Variants in ITGAM observed in about 807,000 individuals in gnomAD.
The protein encoded by ITGAM is integrin alpha-M.
ITGAM carries 79 observed loss-of-function variants against 137.5 expected under a neutral mutation model. The ratio of observed to expected loss-of-function variants is 0.57; its 90% CI spans 0.48 to 0.69. The LOEUF (loss-of-function observed/expected upper bound fraction) is 0.69. Among genes scored for constraint, ITGAM ranks in the 30% least tolerant of loss-of-function variants. The pLI is 0.00. For missense variants in ITGAM, 1,343 were observed against 1,483.5 expected (o/e 0.91, Z 1.56); for synonymous variants, 583 against 592.3 (o/e 0.98, Z 0.23).
Position 31,326,850 on chromosome 16 carries a change from C to T in ITGAM, c.2629-6C>T. The T allele has an allele frequency of 1.9e-6, 3 of 1,601,698 alleles. No individual in the cohort carries two copies. Among genetic ancestry groups the T allele is most frequent in the Non-Finnish European group, 2.6e-6 (3 of 1,168,796 alleles). On this transcript the variant is annotated splice_polypyrimidine_tract_variant and splice_region_variant and intron_variant, in intron 21 of 29. Coordinates refer to ENST00000544665, the MANE Select transcript of ITGAM (RefSeq NM_000632.4). ...CTGTCATTGTCTCTCCTTTCTCTCA[C>T]TCCAGGTCACCTTTAATATCACGTT...
At chr16:31,271,119 C>T (rs1379432149) in intron 6 of ITGAM, 35 bp downstream of exon 6, 9 of 1,469,112 alleles carry the variant, frequency 6.1e-6, no homozygotes, top group Non-Finnish European at 8.2e-6. Flanking sequence ...GAAGAGCCCA[C>T]ACGGGGCTGG....
In ITGAM at chr16:31,297,866, T is replaced by C. The variant is rs368134394; in HGVS notation, c.1619T>C (p.Ile540Thr). 7.8e-5 allele frequency: 126 copies of C among 1,613,818 alleles called. No homozygotes were observed. Among genetic ancestry groups the C allele is most frequent in the Middle Eastern group, 1.6e-4 (1 of 6,082 alleles). ...GGGGACAAGCTGACGGACGTGGCCA[T>C]TGGGGCCCCAGGAGAGGAGGACAAC... is the stretch of plus-strand genomic sequence containing the variant. ...VNGDKLTDVA[I>T]GAPGEEDNRG... The change falls in exon 14 of 30, where the codon ATT becomes ACT. Residue 540 changes from isoleucine (I) to threonine (T), a missense_variant. By Grantham distance (89) the Ile-to-Thr change is moderately conservative. Coordinates refer to ENST00000544665, the MANE Select transcript of ITGAM (RefSeq NM_000632.4).
At chr16:31,317,053 T>A (rs1387280253) in intron 14 of ITGAM, among the ~76,000 whole-genome samples, 1 of 152,130 alleles carries the variant, frequency 6.6e-6, no homozygotes, top group Non-Finnish European at 1.5e-5. Context: ...CAGGGACAAT[T>A]TTTTTTTCTT....
intron 8 of ITGAM, among the ~76,000 whole-genome samples, chr16:31,274,094 A>C (rs890278139): frequency 2.0e-5 from 3 of 152,184 alleles, no homozygotes; most frequent in Non-Finnish European, 4.4e-5. Context: ...GTTTTTCCAC[A>C]ACATCTTTCG....
chr16:31,302,629 G>T (rs952705674), intron 14 of ITGAM, among the ~76,000 whole-genome samples: 6 of 151,730 alleles, frequency 4.0e-5, no homozygotes, highest in Middle Eastern at 6.8e-3. Flanking sequence ...CCGCATCCCA[G>T]GTTCAAGCTA....
At chr16:31,294,382 C>T (rs2080113481) in intron 12 of ITGAM, among the ~76,000 whole-genome samples, 1 of 151,974 alleles carries the variant, frequency 6.6e-6, no homozygotes. Context: ...TTGTAGATGG[C>T]TCTTATTATT....
chr16:31,331,860 C>CGTGTATGCGA lies in ITGAM; in HGVS notation c.*157_*158insATGCGAGTGT, dbSNP rs1555472185. 8.5e-5 allele frequency: 52 copies of CGTGTATGCGA among 609,622 alleles called. No individual in the cohort carries two copies. The highest frequency in any genetic ancestry group is 1.2e-4 in the Non-Finnish European group (43 of 345,028). 37.8% of individuals were successfully genotyped at this position (609,622 alleles called of 1,614,324 possible). A position where few individuals can be genotyped will look rare whatever the true frequency, so the allele number is the denominator to read the frequency against. ...TTGTGTGTGTGCAAGTGTGTATGTGCGTGTGTGCAAGTGTCTGTGTGCAAG... is the reference window on the plus strand; with the variant it reads ...TTGTGTGTGTGCAAGTGTGTATGTGCGTGTATGCGAGTGTGTGCAAGTGTCTGTGTGCAAG... On this transcript the variant is annotated 3_prime_UTR_variant, in exon 30 of 30. Coordinates refer to ENST00000544665, the MANE Select transcript of ITGAM (RefSeq NM_000632.4).
At chr16:31,281,753 A>G (rs1264574945) in intron 12 of ITGAM, among the ~76,000 whole-genome samples, 3 of 151,878 alleles carry the variant, frequency 2.0e-5, no homozygotes, top group Non-Finnish European at 4.4e-5. Context: ...ATTTCTTGCC[A>G]TCTGCTAGCT....
At chr16:31,265,942 G>A in intron 4 of ITGAM, 61 bp downstream of exon 4, 1 of 1,595,800 alleles carries the variant, frequency 6.3e-7, no homozygotes, top group Non-Finnish European at 8.6e-7. Flanking sequence ...CACGCATGGT[G>A]GGGCTGGGGG....
chr16:31,281,266 A>G (rs1052394566), intron 12 of ITGAM, among the ~76,000 whole-genome samples: 1 of 151,968 alleles, frequency 6.6e-6, no homozygotes, highest in African/African-American at 2.4e-5. Flanking sequence ...CTGTTTTTCT[A>G]TTGACTGGAA....
At chr16:31,321,165 C>T in intron 14 of ITGAM, 76 bp from the exon 15 acceptor site, 1 of 1,531,710 alleles carries the variant, frequency 6.5e-7, no homozygotes, top group Non-Finnish European at 9.0e-7. Flanking sequence ...CTGTCTGGGC[C>T]ATGCTGGATG....
chr16:31,321,127 T>C, intron 14 of ITGAM, 114 bp from the exon 15 acceptor site: 1 of 1,188,570 alleles, frequency 8.4e-7, no homozygotes, highest in South Asian at 1.4e-5. Context: ...TTGCAAGAGA[T>C]GAGACTTGAG....
rs1345796466 is a variant in ITGAM at position 31,260,071 on chromosome 16, C to T, written c.7C>T (p.Leu3Phe). Reference sequence around the variant, plus strand: ...GTTCTGGCTCCTTCCAGCCATGGCTCTCAGAGTCCTTCTGTTAACAGGTGC... The same window carrying T: ...GTTCTGGCTCCTTCCAGCCATGGCTTTCAGAGTCCTTCTGTTAACAGGTGC... Reference protein sequence around the residue: MALRVLLLTALTL... With the variant: MAFRVLLLTALTL... Residue 3 changes from leucine to phenylalanine, a missense_variant, in exon 1 of 30, where the codon CTC becomes TTC. Leu to Phe is a conservative substitution (Grantham distance 22). Transcript: ENST00000544665. 3.8e-6 allele frequency: 6 copies of T among 1,577,242 alleles called. No individual in the cohort carries two copies. The highest frequency in any genetic ancestry group is 2.7e-5 in the African/African-American group (2 of 73,238).
chr16:31,275,762 TCC>T, intron 9 of ITGAM, 63 bp downstream of exon 9: 1 of 1,561,270 alleles, frequency 6.4e-7, no homozygotes, highest in Non-Finnish European at 8.8e-7. Flanking sequence ...CAGAACATAG[TCC>T]CCTCTAGAAT....
chr16:31,302,954 TTCTTTCTTTCTTTCTTTC>T (rs1567268543), intron 14 of ITGAM, among the ~76,000 whole-genome samples: 3 of 133,140 alleles, frequency 2.3e-5, no homozygotes, highest in African/African-American at 8.7e-5. Context: ...CTTTCTTTCT[TTCTTTCTTTCTTTCTTTC>T]TTTCTTTCTT....
At chr16:31,292,592 A>T (rs950252487) in intron 12 of ITGAM, among the ~76,000 whole-genome samples, 2 of 152,124 alleles carry the variant, frequency 1.3e-5, no homozygotes, top group African/African-American at 4.8e-5. Context: ...AAAAGACATG[A>T]TCTTGCTATT....
At chr16:31,286,475 T>C (rs1016586645) in intron 12 of ITGAM, among the ~76,000 whole-genome samples, 1 of 152,202 alleles carries the variant, frequency 6.6e-6, no homozygotes, top group Admixed American at 6.5e-5. Flanking sequence ...CAACAATGTA[T>C]AAGCGTTCCT....
At position 31,325,559 on chromosome 16, in the gene ITGAM, G is replaced by A; in HGVS notation, c.2565G>A (p.Val855=). The A allele has an allele frequency of 1.2e-6, 2 of 1,613,920 alleles. No homozygotes were observed. Among genetic ancestry groups the A allele is most frequent in the Non-Finnish European group, 8.5e-7 (1 of 1,179,878 alleles). The stretch of plus-strand genomic sequence containing the variant: ...GTGAGTCTGCCTCCTCCACCGAAGT[G>A]TCTGGGGCCTTGAAGAGCACCAGCT... ...LACESASSTE[V]SGALKSTSCS... Residue 855 remains valine, a synonymous_variant, in exon 21 of 30, where the codon GTG becomes GTA. Transcript: ENST00000544665.
intron 12 of ITGAM, among the ~76,000 whole-genome samples, chr16:31,281,380 A>G (rs2079967410): frequency 6.6e-6 from 1 of 152,212 alleles, no homozygotes; most frequent in African/African-American, 2.4e-5. Context: ...GCTATTAATT[A>G]TTGCCTCAAT....
Sources: gnomAD v4.1 joint callset for allele counts (sites outside exome capture counted in the v4.1 genomes callset) on GRCh38, gnomAD v4.1.1 for gene constraint, MANE v1.5 for transcripts, NCBI Gene and HGNC (gene_info 2026-07-23, HGNC 2026-07-21) for gene names.